Variants in DYNC2I1 observed in about 807,000 individuals in gnomAD.
DYNC2I1 encodes the protein cytoplasmic dynein 2 intermediate chain 1.
Under a neutral mutation model 133.4 loss-of-function variants are expected in DYNC2I1, and 89 were observed. The observed-to-expected ratio is 0.67, with a 90% CI of 0.56 to 0.80. DYNC2I1 has a LOEUF of 0.80. DYNC2I1 is among the 30% of genes least tolerant of loss of function. DYNC2I1 has a pLI of 0.00. For synonymous variants in DYNC2I1, 504 were observed against 484.3 expected (o/e 1.04, Z -0.54); for missense variants, 1,291 against 1,314.5 (o/e 0.98, Z 0.28).
Position 158,902,807 on chromosome 7 carries a change from A to G in DYNC2I1, c.1357+212A>G, listed in dbSNP as rs546882882. Reference sequence around the variant, plus strand: ...CCATCCAGAATTCTCTTACACAGAGAAGTTGCACGTCACTTTCTGCTCAGC... The same window carrying G: ...CCATCCAGAATTCTCTTACACAGAGGAGTTGCACGTCACTTTCTGCTCAGC... On this transcript the variant is annotated intron_variant, in intron 10 of 24. Coordinates refer to ENST00000407559, the MANE Select transcript of DYNC2I1 (RefSeq NM_018051.5). The G allele has an allele frequency of 9.0e-6, 5 of 553,336 alleles. No individual in the cohort carries two copies. The Admixed American group carries it at 1.4e-4, about 15-fold the overall frequency. The allele number at this position is 553,336 out of a possible 1,614,324, so 34.3% of individuals were successfully genotyped here.
At chr7:158,867,975 A>G (rs1345257909) in intron 1 of DYNC2I1, among the ~76,000 whole-genome samples, 1 of 152,034 alleles carries the variant, frequency 6.6e-6, no homozygotes, top group East Asian at 1.9e-4. Context: ...AAATACAAAT[A>G]TTAGCCAGGT....
the DYNC2I1 span, among the ~76,000 whole-genome samples, chr7:158,841,161 ATATATATAT>A: frequency 7.7e-4 from 1 of 1,304 alleles, no homozygotes; most frequent in Admixed American, 0.029. Context: ...GTCTGCAAAT[ATATATATAT>A]ATATATATAT....
At chr7:158,880,992 G>A (rs561213144) in intron 5 of DYNC2I1, among the ~76,000 whole-genome samples, 55 of 152,292 alleles carry the variant, frequency 3.6e-4, no homozygotes, top group African/African-American at 1.3e-3. Context: ...CGCAGGACCC[G>A]GATCTCCTGA....
intron 3 of DYNC2I1, among the ~76,000 whole-genome samples, chr7:158,874,840 C>T (rs1843207090): frequency 2.0e-5 from 3 of 152,282 alleles, no homozygotes; most frequent in African/African-American, 4.8e-5. Flanking sequence ...GTAATACAAA[C>T]GCAGTGTACC....
At chr7:158,937,622 G>GAAAAAAAAAAAAAAAAAAA (rs71189438) in intron 23 of DYNC2I1, among the ~76,000 whole-genome samples, 8 of 109,456 alleles carry the variant, frequency 7.3e-5, no homozygotes, top group Admixed American at 1.9e-4. Context: ...ACTGTCTCAA[G>GAAAAAAAAAAAAAAAAAAA]AAAAAAAAAA....
At chr7:158,873,174 C>T (rs1004688481) in intron 3 of DYNC2I1, among the ~76,000 whole-genome samples, 3 of 152,066 alleles carry the variant, frequency 2.0e-5, no homozygotes, top group African/African-American at 7.2e-5. Context: ...GGTAAAGGTA[C>T]ATACTTTTTT....
chr7:158,877,203 C>T (rs1054574459), intron 4 of DYNC2I1, among the ~76,000 whole-genome samples: 13 of 148,804 alleles, frequency 8.7e-5, no homozygotes, highest in Admixed American at 2.7e-4. Flanking sequence ...TTCCGCGGTG[C>T]GGGTGTGTTG....
chr7:158,883,708 G>A (rs2129479915), intron 5 of DYNC2I1, among the ~76,000 whole-genome samples: 1 of 136,348 alleles, frequency 7.3e-6, no homozygotes, highest in East Asian at 2.1e-4. Flanking sequence ...CTGTTGCCCA[G>A]GCTGGAGTGC....
rs558665776 is a variant in DYNC2I1, at chr7:158,880,874, G to A, written c.879+885G>A. Among the ~76,000 whole-genome samples the A allele has an allele frequency of 2.0e-5, 3 of 152,226 alleles. No homozygotes were observed. The South Asian group carries it at 6.2e-4, about 32-fold the overall frequency. On this transcript the variant is annotated intron_variant, in intron 5 of 24. Transcript: ENST00000407559. ...TATGATCTTATTTACCTATTTCTTG[G>A]TGATGCTTCCTTTAAGATGGAAGCA...
intron 17 of DYNC2I1, among the ~76,000 whole-genome samples, chr7:158,923,947 C>T (rs954333498): frequency 6.6e-6 from 1 of 152,222 alleles, no homozygotes; most frequent in African/African-American, 2.4e-5. Context: ...AATTTCCTTT[C>T]TTAATAAATT....
At chr7:158,860,561 A>T (rs1841781812) in intron 1 of DYNC2I1, among the ~76,000 whole-genome samples, 1 of 152,192 alleles carries the variant, frequency 6.6e-6, no homozygotes, top group Admixed American at 6.5e-5. Flanking sequence ...GCATGGTGAC[A>T]ATTTTCTTTA....
chr7:158,881,509 A>G (rs1042881485), intron 5 of DYNC2I1, among the ~76,000 whole-genome samples: 1 of 152,060 alleles, frequency 6.6e-6, no homozygotes, highest in Non-Finnish European at 1.5e-5. Context: ...GCTGGAGTGC[A>G]GTGGTGCGAT....
intron 3 of DYNC2I1, among the ~76,000 whole-genome samples, chr7:158,875,126 C>T (rs1415685229): frequency 7.9e-5 from 11 of 138,654 alleles, no homozygotes; most frequent in Non-Finnish European, 1.7e-4. Context: ...GAAGGAGTCT[C>T]GCTCTATTGT....
Position 158,923,753 on chromosome 7 carries a change from C to G in DYNC2I1, c.2257+20C>G, listed in dbSNP as rs2129486692. On this transcript the variant is annotated intron_variant, in intron 17 of 24. Coordinates refer to ENST00000407559, the MANE Select transcript of DYNC2I1 (RefSeq NM_018051.5). ...CCACCGGTCAGTGTCATCTGCCTGCCAATTGTGTGTCTGCTAGAAAAGCCA... is the reference window on the plus strand; with the variant it reads ...CCACCGGTCAGTGTCATCTGCCTGCGAATTGTGTGTCTGCTAGAAAAGCCA... 1 of 1,588,988 alleles carries G rather than the reference C, an allele frequency of 6.3e-7. No homozygotes were observed.
intron 8 of DYNC2I1, 65 bp from the exon 9 acceptor site, chr7:158,901,674 A>G (rs770680954): frequency 2.4e-5 from 24 of 1,009,174 alleles, no homozygotes; most frequent in African/African-American, 4.9e-5. Flanking sequence ...TGTTTTCCCA[A>G]TCTATTTGCA....
At chr7:158,911,989 TA>T (rs2129484781) in intron 12 of DYNC2I1, among the ~76,000 whole-genome samples, 1 of 152,318 alleles carries the variant, frequency 6.6e-6, no homozygotes, top group African/African-American at 2.4e-5. Flanking sequence ...TTTATTTATT[TA>T]TTTAGAGACA....
At chr7:158,862,239 A>T (rs1006003034) in intron 1 of DYNC2I1, among the ~76,000 whole-genome samples, 1 of 152,234 alleles carries the variant, frequency 6.6e-6, no homozygotes. Flanking sequence ...CAGCCTGGGA[A>T]ACACTGGGAG....
chr7:158,949,355 T>G (rs929853469), downstream of DYNC2I1, among the ~76,000 whole-genome samples: 4 of 152,224 alleles, frequency 2.6e-5, no homozygotes, highest in Non-Finnish European at 4.4e-5. Context: ...AGATGCTGCT[T>G]TAGCTGAGCT....
At chr7:158,889,523 T>C (rs1844978305) in intron 7 of DYNC2I1, among the ~76,000 whole-genome samples, 4 of 152,220 alleles carry the variant, frequency 2.6e-5, no homozygotes, top group Admixed American at 2.6e-4. Flanking sequence ...TTTCCTATTT[T>C]CTTCATGTTT....
Sources: gnomAD v4.1 joint callset for allele counts (sites outside exome capture counted in the v4.1 genomes callset) on GRCh38, gnomAD v4.1.1 for gene constraint, MANE v1.5 for transcripts, NCBI Gene and HGNC (gene_info 2026-07-23, HGNC 2026-07-21) for gene names.